The following DNAH11 variants were observed in gnomAD, a reference collection of about 807,000 sequenced individuals.
DNAH11 encodes axonemal beta dynein heavy chain 11.
A neutral mutation model predicts 526.0 loss-of-function variants in DNAH11; 442 were observed. The observed-to-expected ratio is 0.84, with a 90% CI of 0.78 to 0.91. The LOEUF is 0.91. DNAH11 is among the 40% of genes least tolerant of loss of function. The probability of loss-of-function intolerance (pLI) is 0.00; values close to 1 mark genes in which losing one functional copy is unlikely to be tolerated. For missense variants in DNAH11, 6,989 were observed against 5,448.7 expected (o/e 1.28, Z -8.90); for synonymous variants, 2,461 against 1,935.9 (o/e 1.27, Z -7.12).
intron 8 of DNAH11, 33 bp downstream of exon 8, chr7:21,572,006 G>C (rs761731891): frequency 6.9e-7 from 1 of 1,455,156 alleles, no homozygotes; most frequent in Non-Finnish European, 9.1e-7. Context: ...TCATTGCATG[G>C]GATCCTATAA....
chr7:21,899,506 C>G (rs906927799), intron 80 of DNAH11, 58 bp downstream of exon 80: 6 of 1,373,252 alleles, frequency 4.4e-6, no homozygotes, highest in Non-Finnish European at 5.1e-6. Flanking sequence ...TAACCAGAAG[C>G]CCTGCTTTGT....
intron 61 of DNAH11, among the ~76,000 whole-genome samples, chr7:21,799,379 C>G (rs997157106): frequency 2.0e-5 from 3 of 151,966 alleles, no homozygotes; most frequent in Non-Finnish European, 4.4e-5. Flanking sequence ...CTCTTGTTTC[C>G]CAGACTGGAG....
At chr7:21,802,185 G>T (rs1213050944) in intron 62 of DNAH11, among the ~76,000 whole-genome samples, 2 of 152,144 alleles carry the variant, frequency 1.3e-5, no homozygotes, top group Admixed American at 6.5e-5. Flanking sequence ...AATTTGAATA[G>T]ACATTTCTCC....
chr7:21,647,769 A>G (rs1161221949), intron 28 of DNAH11, among the ~76,000 whole-genome samples: 2 of 152,158 alleles, frequency 1.3e-5, no homozygotes, highest in East Asian at 3.8e-4. Flanking sequence ...GAAAGAAAAA[A>G]AACACCTGTA....
chr7:21,585,653 TGTCTA>T (rs1029261326), intron 9 of DNAH11, among the ~76,000 whole-genome samples: 11 of 152,286 alleles, frequency 7.2e-5, no homozygotes, highest in African/African-American at 2.6e-4. Flanking sequence ...TAAAAAAAAT[TGTCTA>T]GAAAGGACTT....
chr7:21,844,087 G>A (rs1178859891), intron 66 of DNAH11, among the ~76,000 whole-genome samples: 2 of 152,098 alleles, frequency 1.3e-5, no homozygotes, highest in Non-Finnish European at 2.9e-5. Flanking sequence ...TGCCTAATTT[G>A]GCCTGCCACC....
intron 54 of DNAH11, among the ~76,000 whole-genome samples, chr7:21,754,177 C>G (rs1223092387): frequency 6.6e-6 from 1 of 152,062 alleles, no homozygotes; most frequent in East Asian, 1.9e-4. Context: ...GGAATTCTGT[C>G]TTGATTCTTA....
At chr7:21,770,763 G>A (rs1227965541) in intron 55 of DNAH11, among the ~76,000 whole-genome samples, 1 of 152,176 alleles carries the variant, frequency 6.6e-6, no homozygotes, top group Non-Finnish European at 1.5e-5. Flanking sequence ...AAGTACAGGA[G>A]GGTATGCAGT....
intron 65 of DNAH11, among the ~76,000 whole-genome samples, chr7:21,833,521 C>T (rs926889699): frequency 4.6e-5 from 7 of 151,910 alleles, no homozygotes; most frequent in African/African-American, 1.2e-4. Flanking sequence ...GATGAAACCT[C>T]GTCTCTACTA....
At chr7:21,568,664 G>A (rs2128435542) in intron 6 of DNAH11, among the ~76,000 whole-genome samples, 1 of 152,198 alleles carries the variant, frequency 6.6e-6, no homozygotes, top group South Asian at 2.1e-4. Flanking sequence ...CTATGCGAGG[G>A]GCCAGCCAGG....
At chr7:21,871,554 C>T (rs1176753835) in intron 73 of DNAH11, among the ~76,000 whole-genome samples, 1 of 152,100 alleles carries the variant, frequency 6.6e-6, no homozygotes, top group Non-Finnish European at 1.5e-5. Context: ...TGTTGTAGCC[C>T]ATAAGACAGA....
intron 75 of DNAH11, among the ~76,000 whole-genome samples, chr7:21,882,763 C>T (rs1174677834): frequency 1.3e-5 from 2 of 152,120 alleles, no homozygotes; most frequent in South Asian, 2.1e-4. Context: ...TACCACTGCA[C>T]TCCAGCCTGA....
intron 45 of DNAH11, among the ~76,000 whole-genome samples, chr7:21,734,420 C>A (rs564350797): frequency 8.5e-5 from 13 of 152,186 alleles, no homozygotes; most frequent in Non-Finnish European, 1.9e-4. Context: ...ATATGAGATG[C>A]AGCTCGAATA....
intron 61 of DNAH11, among the ~76,000 whole-genome samples, chr7:21,790,350 T>C (rs1033426558): frequency 6.6e-6 from 1 of 152,022 alleles, no homozygotes; most frequent in Non-Finnish European, 1.5e-5. Context: ...CTCAGGAGGC[T>C]GAGGCAGGAG....
rs1783897624 is a variant in DNAH11 at position 21,880,813 on chromosome 7, A to G, written c.12307A>G (p.Ser4103Gly). ...GRLRFGPQGW[S>G]RSYPFNPGDL... ...ACTGAGGTTTGGCCCCCAGGGCTGG[A>G]GCCGAAGCTATCCTTTTAATCCTGG... The change falls in exon 75 of 82, where the codon AGC becomes GGC. Residue 4103 changes from serine (S) to glycine (G), a missense_variant. By Grantham distance (56) the Ser-to-Gly change is moderately conservative. Transcript: ENST00000409508. The G allele has an allele frequency of 6.2e-7, 1 of 1,613,976 alleles. No individual in the cohort carries two copies. The highest frequency in any genetic ancestry group is 8.5e-7 in the Non-Finnish European group (1 of 1,179,890).
chr7:21,858,291 C>A lies in DNAH11; in HGVS notation c.11203-3562C>A, dbSNP rs542026535. Among the ~76,000 whole-genome samples, 99 of 152,230 alleles carry A rather than the reference C, an allele frequency of 6.5e-4. 1 individual carries two copies. Among genetic ancestry groups the A allele is most frequent in the African/African-American group, 2.4e-3 (99 of 41,544 alleles). ...ACATTGCTGGAAGGAATGCAATAAACCATTTTGGAAAACAGTTTGGCAGTT... is the reference window on the plus strand; with the variant it reads ...ACATTGCTGGAAGGAATGCAATAAAACATTTTGGAAAACAGTTTGGCAGTT... On this transcript the variant is annotated intron_variant, in intron 68 of 81. Transcript: ENST00000409508.
At chr7:21,816,318 A>G (rs1789789071) in intron 63 of DNAH11, 149 bp from the exon 64 acceptor site, 2 of 640,644 alleles carry the variant, frequency 3.1e-6, no homozygotes, top group East Asian at 5.5e-5. Flanking sequence ...GCATCTAATG[A>G]TGAGTTGTGT....
intron 54 of DNAH11, among the ~76,000 whole-genome samples, chr7:21,754,689 A>G (rs1182479895): frequency 6.6e-6 from 1 of 152,070 alleles, no homozygotes; most frequent in Non-Finnish European, 1.5e-5. Context: ...ATCAAGTAGA[A>G]ATAGGATATC....
chr7:21,585,769 G>T (rs1397394396), intron 9 of DNAH11, among the ~76,000 whole-genome samples: 14 of 152,272 alleles, frequency 9.2e-5, no homozygotes, highest in Non-Finnish European at 1.9e-4. Context: ...ATATAAATAT[G>T]TACTACACCG....
Sources: allele counts gnomAD v4.1 joint callset (sites outside exome capture counted in the v4.1 genomes callset), GRCh38; gene constraint gnomAD v4.1.1; transcripts MANE v1.5; gene names NCBI Gene and HGNC (gene_info 2026-07-23, HGNC 2026-07-21).